ABCA13: variants seen among roughly 807,000 people sequenced by gnomAD.
ABCA13 encodes the protein ATP binding cassette subfamily A member 13.
ABCA13 carries 476 observed loss-of-function variants against 478.7 expected under a neutral mutation model. The ratio of observed to expected loss-of-function variants is 0.99; its 90% confidence interval spans 0.92 to 1.07. ABCA13 has a LOEUF of 1.07. ABCA13 is among the 50% of genes least tolerant of loss of function. ABCA13 has a pLI of 0.00. For missense variants in ABCA13, 6,060 were observed against 5,910.6 expected (o/e 1.03, Z -0.83); for synonymous variants, 2,252 against 2,158.9 (o/e 1.04, Z -1.20).
intron 55 of ABCA13, among the ~76,000 whole-genome samples, chr7:48,539,971 TA>T (rs1833849202): frequency 6.6e-6 from 1 of 152,190 alleles, no homozygotes; most frequent in Non-Finnish European, 1.5e-5. Context: ...AACTCAACAT[TA>T]AGAGCTAATT....
chr7:48,300,795 T>C (rs1403367722), intron 23 of ABCA13, among the ~76,000 whole-genome samples: 1 of 152,118 alleles, frequency 6.6e-6, no homozygotes, highest in Non-Finnish European at 1.5e-5. Context: ...AAACCACAAA[T>C]CACAGGGGCT....
intron 42 of ABCA13, among the ~76,000 whole-genome samples, chr7:48,442,880 G>T (rs1176689975): frequency 3.3e-5 from 5 of 152,124 alleles, no homozygotes; most frequent in Non-Finnish European, 7.4e-5. Context: ...CTCTTTTATT[G>T]GCCTTCTAGC....
chr7:48,419,907 T>C (rs1820519489), intron 41 of ABCA13, among the ~76,000 whole-genome samples: 1 of 152,206 alleles, frequency 6.6e-6, no homozygotes, highest in Non-Finnish European at 1.5e-5. Flanking sequence ...ATATAAATGG[T>C]ATATTTAGAG....
At chr7:48,255,635 G>A (rs1793266277) in intron 15 of ABCA13, among the ~76,000 whole-genome samples, 1 of 152,104 alleles carries the variant, frequency 6.6e-6, no homozygotes, top group African/African-American at 2.4e-5. Context: ...CAAAGGACAT[G>A]ATTTCATTCT....
At chr7:48,374,026 A>G (rs1364825736) in intron 33 of ABCA13, among the ~76,000 whole-genome samples, 1 of 152,104 alleles carries the variant, frequency 6.6e-6, no homozygotes, top group Non-Finnish European at 1.5e-5. Context: ...ATAGTAAATT[A>G]CTCTATTCCA....
At chr7:48,182,402 A>G (rs1795816612) in intron 1 of ABCA13, among the ~76,000 whole-genome samples, 1 of 152,186 alleles carries the variant, frequency 6.6e-6, no homozygotes, top group Non-Finnish European at 1.5e-5. Context: ...ACATCTCACA[A>G]TTTAAAAACA....
Position 48,507,851 on chromosome 7 carries a change from G to A in ABCA13, c.13347-21G>A, listed in dbSNP as rs778912973. ...TGTGTTCTTCGTCAGGTGCCTGAGA[G>A]CTGCTCTGTTCCACCCGCAGCCTGG... On this transcript the variant is annotated intron_variant, in intron 49 of 61. Transcript: ENST00000435803. 101 of 1,581,278 alleles carry A rather than the reference G, an allele frequency of 6.4e-5. 1 individual carries two copies. In the East Asian group the frequency reaches 2.3e-3, roughly 36 times the overall value.
intron 31 of ABCA13, among the ~76,000 whole-genome samples, chr7:48,353,019 G>A (rs958807430): frequency 1.3e-5 from 2 of 151,948 alleles, no homozygotes; most frequent in South Asian, 4.1e-4. Flanking sequence ...GTGAAGGGCT[G>A]GAGCAGCTGG....
At chr7:48,525,596 C>T (rs1039595676) in intron 54 of ABCA13, among the ~76,000 whole-genome samples, 7 of 140,728 alleles carry the variant, frequency 5.0e-5, no homozygotes, top group Non-Finnish European at 7.7e-5. Context: ...TATGGTTGGA[C>T]AAAAAGAGTA....
rs79463684 is a variant in ABCA13 at position 48,262,419 on chromosome 7, A to G, written c.2006-6561A>G. Among the ~76,000 whole-genome samples the G allele has an allele frequency of 7.8e-3, 1,183 of 151,976 alleles. 12 individuals carry two copies. Among genetic ancestry groups the G allele is most frequent in the African/African-American group, 0.027 (1,125 of 41,502 alleles). On this transcript the variant is annotated intron_variant, in intron 15 of 61. Coordinates refer to ENST00000435803, the MANE Select transcript of ABCA13 (RefSeq NM_152701.5). ...AGTCAGATGCTTATACCTCTAAGTC[A>G]TGAGACTTTGGGGGATTCTGTGAAG...
chr7:48,304,701 A>G (rs1388897783), intron 23 of ABCA13, among the ~76,000 whole-genome samples: 1 of 152,198 alleles, frequency 6.6e-6, no homozygotes, highest in Admixed American at 6.5e-5. Context: ...GTGATGGTTC[A>G]TACACCAAAC....
At position 48,539,130 on chromosome 7, in the gene ABCA13, T is replaced by TCA. The variant is rs1182063960; in HGVS notation, c.14354+10785_14354+10786insCA. Among the ~76,000 whole-genome samples the TCA allele has an allele frequency of 4.6e-5, 7 of 152,136 alleles. No individual in the cohort carries two copies. In the East Asian group the frequency reaches 1.4e-3, roughly 29 times the overall value. ...GTGAGGTGGCTCATGCCTGTAATCC[T>TCA]AGCACTTTGGGAGGCTGTGGCGGGC... On this transcript the variant is annotated intron_variant, in intron 55 of 61. Coordinates refer to ENST00000435803, the MANE Select transcript of ABCA13 (RefSeq NM_152701.5).
At chr7:48,499,666 A>G (rs979218249) in intron 48 of ABCA13, among the ~76,000 whole-genome samples, 3 of 152,222 alleles carry the variant, frequency 2.0e-5, no homozygotes, top group African/African-American at 7.2e-5. Flanking sequence ...GATAATAACA[A>G]TCAAACAAAG....
intron 42 of ABCA13, among the ~76,000 whole-genome samples, chr7:48,451,930 C>T (rs1825094002): frequency 6.6e-6 from 1 of 152,144 alleles, no homozygotes; most frequent in Non-Finnish European, 1.5e-5. Flanking sequence ...ACTCATAAGT[C>T]AAAGAAGGCA....
At chr7:48,406,179 C>A (rs566474380) in intron 39 of ABCA13, among the ~76,000 whole-genome samples, 2 of 152,212 alleles carry the variant, frequency 1.3e-5, no homozygotes, top group South Asian at 4.1e-4. Flanking sequence ...CTTGATCAGC[C>A]CTGGTACCAG....
At chr7:48,425,987 CG>C (rs1821371049) in intron 41 of ABCA13, among the ~76,000 whole-genome samples, 1 of 152,130 alleles carries the variant, frequency 6.6e-6, no homozygotes, top group African/African-American at 2.4e-5. Flanking sequence ...GTGATCCGCC[CG>C]CCTCGGCCTC....
chr7:48,445,014 T>TC (rs1323366950), intron 42 of ABCA13, among the ~76,000 whole-genome samples: 5 of 149,324 alleles, frequency 3.3e-5, no homozygotes, highest in Non-Finnish European at 5.9e-5. Flanking sequence ...TTTCTTTCTT[T>TC]TTTTTTTTTT....
At position 48,274,017 on chromosome 7, in the gene ABCA13, T is replaced by C; in HGVS notation, c.4351T>C (p.Ser1451Pro). The change falls in exon 17 of 62, where the codon TCA (serine) becomes CCA (proline). Residue 1451 changes from serine to proline, a missense_variant. Ser to Pro is a moderately conservative substitution (Grantham distance 74). Transcript: ENST00000435803. The part of the protein sequence containing the change: ...VLNIKKPLCS[S>P]NGSHINCVNI... Reference sequence around the variant, plus strand: ...AAATATAAAAAAACCTCTTTGTTCATCAAATGGCTCACATATAAATTGTGT... The same window carrying C: ...AAATATAAAAAAACCTCTTTGTTCACCAAATGGCTCACATATAAATTGTGT... The C allele has an allele frequency of 6.2e-7, 1 of 1,606,118 alleles. No individual in the cohort carries two copies. Among genetic ancestry groups the C allele is most frequent in the Non-Finnish European group, 8.5e-7 (1 of 1,174,068 alleles).
chr7:48,562,104 TG>T (rs145677786), intron 55 of ABCA13, among the ~76,000 whole-genome samples: 1 of 130,882 alleles, frequency 7.6e-6, no homozygotes, highest in South Asian at 2.3e-4. Context: ...TGCATATGTA[TG>T]GGGGGGGAGG....
Sources: allele counts gnomAD v4.1 joint callset (sites outside exome capture counted in the v4.1 genomes callset), GRCh38; gene constraint gnomAD v4.1.1; transcripts MANE v1.5; gene names NCBI Gene and HGNC (gene_info 2026-07-23, HGNC 2026-07-21).